NFX1: variants seen among roughly 807,000 people sequenced by gnomAD.
The protein encoded by NFX1 is transcriptional repressor NF-X1.
Under a neutral mutation model 137.2 loss-of-function variants are expected in NFX1, and 69 were observed. The ratio of observed to expected loss-of-function variants is 0.50; its 90% CI spans 0.41 to 0.61. The LOEUF is 0.61. Ranked by LOEUF, NFX1 falls within the 20% of genes least tolerant of loss-of-function variation. The probability of loss-of-function intolerance (pLI) is 0.00; values close to 1 mark genes in which losing one functional copy is unlikely to be tolerated. For synonymous variants in NFX1, 495 were observed against 474.1 expected, an observed-to-expected ratio of 1.04 and a Z score of -0.57; for missense variants, 1,167 against 1,391.0, an observed-to-expected ratio of 0.84 and a Z score of 2.56.
rs769562465 is a variant in NFX1 at position 33,313,583 on chromosome 9, C to T, written c.1449-71C>T. 2.4e-5 allele frequency: 36 copies of T among 1,504,302 alleles called. No individual in the cohort carries two copies. The Admixed American group carries it at 4.1e-4, about 17-fold the overall frequency. 93.2% of individuals were successfully genotyped at this position (1,504,302 alleles called of 1,614,324 possible). On this transcript the variant is annotated intron_variant, in intron 6 of 23. Transcript: ENST00000379540. Reference sequence around the variant, plus strand: ...GGGTTTTGAGGGGAGAGTTAGGGGCCGCAGTGTTAGTTTGGTTGTCCAACA... The same window carrying T: ...GGGTTTTGAGGGGAGAGTTAGGGGCTGCAGTGTTAGTTTGGTTGTCCAACA...
intron 9 of NFX1, among the ~76,000 whole-genome samples, chr9:33,322,638 C>G (rs886862736): frequency 2.0e-5 from 3 of 152,128 alleles, no homozygotes; most frequent in Admixed American, 6.6e-5. Context: ...ACTCGTAGGG[C>G]AGAGGTTCCA....
intron 12 of NFX1, among the ~76,000 whole-genome samples, chr9:33,339,804 T>C (rs566930319): frequency 6.6e-6 from 1 of 152,306 alleles, no homozygotes; most frequent in East Asian, 1.9e-4. Flanking sequence ...ACAGGCCCCA[T>C]GCAAGTCCGA....
chr9:33,333,070 T>G (rs183779009), intron 11 of NFX1, among the ~76,000 whole-genome samples: 2 of 152,300 alleles, frequency 1.3e-5, no homozygotes, highest in African/African-American at 4.8e-5. Flanking sequence ...GGTCTCTAAC[T>G]CCTGACCTCA....
intron 4 of NFX1, 40 bp downstream of exon 4, chr9:33,303,308 T>A (rs1402916658): frequency 1.3e-6 from 2 of 1,538,952 alleles, no homozygotes; most frequent in East Asian, 2.2e-5. Flanking sequence ...TTTTACTACA[T>A]ACATTGTACC....
intron 17 of NFX1, among the ~76,000 whole-genome samples, chr9:33,353,514 T>A (rs1362575563): frequency 3.9e-5 from 6 of 152,140 alleles, no homozygotes; most frequent in Non-Finnish European, 8.8e-5. Context: ...TGTGTTTGAA[T>A]ACCTACTAAG....
intron 18 of NFX1, among the ~76,000 whole-genome samples, chr9:33,354,648 C>G (rs553718119): frequency 4.6e-5 from 7 of 152,098 alleles, no homozygotes; most frequent in Non-Finnish European, 8.8e-5. Flanking sequence ...GATTGGGGTC[C>G]CTGGGGAAAT....
At chr9:33,314,225 A>G (rs1822070901) in intron 7 of NFX1, among the ~76,000 whole-genome samples, 1 of 151,882 alleles carries the variant, frequency 6.6e-6, no homozygotes, top group African/African-American at 2.4e-5. Flanking sequence ...CTCAAGTGAT[A>G]ATGCCTGCCT....
At chr9:33,357,866 AT>A (rs1823863809) in intron 19 of NFX1, among the ~76,000 whole-genome samples, 1 of 152,010 alleles carries the variant, frequency 6.6e-6, no homozygotes, top group Non-Finnish European at 1.5e-5. Context: ...ATATTTCACA[AT>A]TGGCTTGTTA....
chr9:33,300,184 C>T (rs1821504321), intron 2 of NFX1, among the ~76,000 whole-genome samples: 1 of 149,434 alleles, frequency 6.7e-6, no homozygotes, highest in South Asian at 2.1e-4. Flanking sequence ...CCTCATCCTC[C>T]TTGGATTACT....
chr9:33,317,500 A>ACGG (rs1822211101), intron 7 of NFX1, among the ~76,000 whole-genome samples: 1 of 151,034 alleles, frequency 6.6e-6, no homozygotes, highest in Non-Finnish European at 1.5e-5. Context: ...TATTTTAAAA[A>ACGG]TAAAGAGTCC....
At chr9:33,290,682 C>T in intron 1 of NFX1, 85 bp downstream of exon 1, 2 of 1,382,140 alleles carry the variant, frequency 1.4e-6, no homozygotes, top group Non-Finnish European at 2.0e-6. Context: ...CTCAGCCACT[C>T]ATATCGCGAG....
At chr9:33,326,103 A>G (rs1364933242) in intron 9 of NFX1, among the ~76,000 whole-genome samples, 1 of 152,136 alleles carries the variant, frequency 6.6e-6, no homozygotes, top group East Asian at 1.9e-4. Context: ...GAGGGAAGCC[A>G]TAAGTGGTAA....
intron 15 of NFX1, among the ~76,000 whole-genome samples, chr9:33,350,509 C>G (rs187872402): frequency 6.6e-6 from 1 of 152,178 alleles, no homozygotes; most frequent in Admixed American, 6.5e-5. Context: ...TACCTAGTTA[C>G]ATTTGTTTGT....
At chr9:33,321,151 C>T (rs1391773137) in intron 9 of NFX1, among the ~76,000 whole-genome samples, 5 of 152,010 alleles carry the variant, frequency 3.3e-5, no homozygotes, top group African/African-American at 1.2e-4. Context: ...ACTCATGTAT[C>T]CTGTTGGTGA....
intron 9 of NFX1, among the ~76,000 whole-genome samples, chr9:33,319,829 T>A (rs774457761): frequency 5.9e-5 from 9 of 151,772 alleles, no homozygotes; most frequent in Non-Finnish European, 1.3e-4. Flanking sequence ...AAATTGTAAG[T>A]ACAATAGAAC....
chr9:33,340,956 G>A (rs1300476178), intron 12 of NFX1, among the ~76,000 whole-genome samples: 1 of 152,132 alleles, frequency 6.6e-6, no homozygotes, highest in Admixed American at 6.5e-5. Flanking sequence ...AAGTCTCTAG[G>A]AAGTTCCAAA....
intron 5 of NFX1, among the ~76,000 whole-genome samples, chr9:33,310,468 A>G (rs1351450073): frequency 1.3e-5 from 2 of 152,194 alleles, no homozygotes; most frequent in East Asian, 1.9e-4. Flanking sequence ...ATTGGTCTCT[A>G]TAATATAGCT....
chr9:33,356,069 A>C (rs894171724), intron 19 of NFX1, among the ~76,000 whole-genome samples: 1 of 152,244 alleles, frequency 6.6e-6, no homozygotes, highest in African/African-American at 2.4e-5. Flanking sequence ...GCCCATGTCC[A>C]AAGTGATTGT....
intron 3 of NFX1, 56 bp from the exon 4 acceptor site, chr9:33,303,135 T>C: frequency 7.2e-7 from 1 of 1,394,434 alleles, no homozygotes; most frequent in Non-Finnish European, 1.0e-6. Context: ...ATTTTTTTAA[T>C]TACATGTAGC....
Sources: gnomAD v4.1 joint callset for allele counts (sites outside exome capture counted in the v4.1 genomes callset) on GRCh38, gnomAD v4.1.1 for gene constraint, MANE v1.5 for transcripts, NCBI Gene and HGNC (gene_info 2026-07-23, HGNC 2026-07-21) for gene names.